Variants in CERS4 observed in about 807,000 individuals in gnomAD.
CERS4 encodes LAG1 homolog, ceramide synthase 4.
In CERS4, 65 loss-of-function variants were observed where a neutral mutation model predicts 51.8. The ratio of observed to expected loss-of-function variants is 1.26; its 90% confidence interval spans 1.03 to 1.54. The LOEUF is 1.54. Ranked by LOEUF, CERS4 falls within the 40% of genes most tolerant of loss-of-function variation. The pLI, the probability that CERS4 is intolerant of heterozygous loss-of-function variation, is 0.00. For synonymous variants in CERS4, 228 were observed against 208.4 expected (o/e 1.09, Z -0.81); for missense variants, 563 against 500.4 (o/e 1.13, Z -1.19).
At position 8,262,287 on chromosome 19, in the gene CERS4, C is replaced by T; in HGVS notation, c.*178C>T. On this transcript the variant is annotated 3_prime_UTR_variant, in exon 12 of 12. Coordinates refer to ENST00000251363, the MANE Select transcript of CERS4 (RefSeq NM_024552.3). ...TCCTTCTGCCCACCCACCCTTCTTC[C>T]CTCTGGGCAACTGGACAGATCTGGG... The T allele has an allele frequency of 1.7e-6, 1 of 578,662 alleles. No individual in the cohort carries two copies. The allele number at this position is 578,662 out of a possible 1,614,324, so 35.8% of individuals were successfully genotyped here. A position where few individuals can be genotyped will look rare whatever the true frequency, so the allele number is the denominator to read the frequency against.
intron 2 of CERS4, among the ~76,000 whole-genome samples, chr19:8,228,006 C>T (rs1160771735): frequency 2.0e-5 from 3 of 151,690 alleles, no homozygotes; most frequent in Admixed American, 6.6e-5. Flanking sequence ...GGATTACAGG[C>T]GCCCGCCACC....
At chr19:8,221,614 T>C (rs1041349640) in intron 2 of CERS4, among the ~76,000 whole-genome samples, 1 of 151,240 alleles carries the variant, frequency 6.6e-6, no homozygotes, top group South Asian at 2.1e-4. Flanking sequence ...GGCACGATCT[T>C]GGCTCACTGT....
Position 8,254,633 on chromosome 19 carries a change from C to A in CERS4, c.291+17C>A. 1 of 1,587,530 alleles carries A rather than the reference C, an allele frequency of 6.3e-7. No individual in the cohort carries two copies. Among genetic ancestry groups the A allele is most frequent in the Non-Finnish European group, 8.6e-7 (1 of 1,166,100 alleles). ...CCCAAGGAGGTGAGAGCCCCCCATG[C>A]CCTCCGACCCGCACTACTGCCCTGG... On this transcript the variant is annotated intron_variant, in intron 4 of 11. Coordinates refer to ENST00000251363, the MANE Select transcript of CERS4 (RefSeq NM_024552.3).
intron 2 of CERS4, among the ~76,000 whole-genome samples, chr19:8,234,737 A>G: frequency 6.6e-6 from 1 of 151,106 alleles, no homozygotes; most frequent in East Asian, 2.0e-4. Flanking sequence ...CATTTTTAGT[A>G]GAGGTGGGGT....
intron 2 of CERS4, among the ~76,000 whole-genome samples, chr19:8,232,194 C>G (rs1968041712): frequency 6.6e-6 from 1 of 152,010 alleles, no homozygotes; most frequent in Non-Finnish European, 1.5e-5. Context: ...GAGAAATTCA[C>G]CCAGTGCCAT....
At chr19:8,260,367 G>T (rs1435140779) in intron 10 of CERS4, among the ~76,000 whole-genome samples, 1 of 64,748 alleles carries the variant, frequency 1.5e-5, no homozygotes, top group African/African-American at 4.7e-5. Flanking sequence ...GCTAATTTTT[G>T]TATTTTTTTT....
Position 8,225,536 on chromosome 19 carries a change from G to T in CERS4, c.-2+14674G>T, listed in dbSNP as rs185270927. Among the ~76,000 whole-genome samples, 548 of 149,850 alleles carry T rather than the reference G, an allele frequency of 3.7e-3. 3 individuals carry two copies. The highest frequency in any genetic ancestry group is 0.013 in the African/African-American group (516 of 40,762). On this transcript the variant is annotated intron_variant, in intron 2 of 11. Transcript: ENST00000251363. Reference sequence around the variant, plus strand: ...CCTCCCGGGTTCAAGCGATTCTCCTGCCTCAGCCTCTCGAGTGGCTGGGAT... The same window carrying T: ...CCTCCCGGGTTCAAGCGATTCTCCTTCCTCAGCCTCTCGAGTGGCTGGGAT...
Position 8,249,165 on chromosome 19 carries a change from TGATGGGTGGGTGGACAGATGTTTG to T in CERS4, c.-1-1901_-1-1878del, listed in dbSNP as rs1296729717. Reference sequence around the variant, plus strand: ...ACAGATGTTTGGATGGGTGGATGGATGATGGGTGGGTGGACAGATGTTTGGATGGGTGGATGGACGATGGGTGGA... The same window carrying T: ...ACAGATGTTTGGATGGGTGGATGGATGATGGGTGGATGGACGATGGGTGGA... On this transcript the variant is annotated intron_variant, in intron 2 of 11. Coordinates refer to ENST00000251363, the MANE Select transcript of CERS4 (RefSeq NM_024552.3). Among the ~76,000 whole-genome samples the T allele has an allele frequency of 1.4e-4, 20 of 141,236 alleles. 1 individual carries two copies. The East Asian group carries it at 3.0e-3, about 21-fold the overall frequency. The allele number at this position is 141,236 out of a possible 152,430, so 92.7% of individuals were successfully genotyped here.
chr19:8,260,820 AG>A (rs2145343698), intron 10 of CERS4, among the ~76,000 whole-genome samples: 1 of 151,906 alleles, frequency 6.6e-6, no homozygotes, highest in Non-Finnish European at 1.5e-5. Context: ...GCGTGGTGGC[AG>A]GGGCCTATAA....
chr19:8,216,208 G>A (rs1047342032), intron 2 of CERS4, among the ~76,000 whole-genome samples: 2 of 150,694 alleles, frequency 1.3e-5, no homozygotes, highest in Non-Finnish European at 3.0e-5. Context: ...GTGAAACCCC[G>A]TCTCTACTAA....
intron 2 of CERS4, among the ~76,000 whole-genome samples, chr19:8,220,395 C>T (rs1346509342): frequency 7.9e-5 from 12 of 152,110 alleles, no homozygotes; most frequent in Non-Finnish European, 1.8e-4. Context: ...ATCTCCACCT[C>T]GCAGGTTCAA....
Position 8,262,016 on chromosome 19 carries a change from C to G in CERS4, c.1092C>G (p.Asn364Lys). The change falls in exon 12 of 12, where the codon AAC (asparagine) becomes AAG (lysine). Residue 364 changes from asparagine to lysine, a missense_variant. By Grantham distance (94) the Asn-to-Lys change is moderately conservative (BLOSUM62 0). Coordinates refer to ENST00000251363, the MANE Select transcript of CERS4 (RefSeq NM_024552.3). ...AAAQEPLQLK[N>K]GAAGGPRPAP... is the part of the protein sequence containing the mutation. ...CCCAGGAACCTCTGCAGCTAAAGAA[C>G]GGGGCAGCTGGAGGGCCCAGGCCAG... 6.3e-7 allele frequency: 1 copy of G among 1,588,362 alleles called. No homozygotes were observed. The highest frequency in any genetic ancestry group is 2.2e-5 in the East Asian group (1 of 44,690).
At chr19:8,221,424 G>T (rs1228053169) in intron 2 of CERS4, among the ~76,000 whole-genome samples, 2 of 152,164 alleles carry the variant, frequency 1.3e-5, no homozygotes, top group African/African-American at 4.8e-5. Context: ...TTCACGGCTA[G>T]CCTCTGCACG....
chr19:8,219,005 G>C (rs1047201137), intron 2 of CERS4, among the ~76,000 whole-genome samples: 2 of 152,122 alleles, frequency 1.3e-5, no homozygotes, highest in Non-Finnish European at 2.9e-5. Context: ...CCAGGAGTTC[G>C]AGACCAGCCT....
In CERS4 at chr19:8,209,442, C is replaced by A. The variant is rs1047817394; in HGVS notation, c.-211C>A. ...GCTCCGGGTAGCCCGCTAGGCGCGC[C>A]GTCCCCAGCCCCGCCGCCGGCCCTC... On this transcript the variant is annotated 5_prime_UTR_variant, in exon 1 of 12. Transcript: ENST00000251363. The A allele has an allele frequency of 6.6e-6, 1 of 151,340 alleles. No individual in the cohort carries two copies. The highest frequency in any genetic ancestry group is 2.1e-4 in the South Asian group (1 of 4,838). The allele number at this position is 151,340 out of a possible 1,614,324, so 9.4% of individuals were successfully genotyped here. A position where few individuals can be genotyped will look rare whatever the true frequency, so the allele number is the denominator to read the frequency against.
chr19:8,237,345 A>T (rs564892638), intron 2 of CERS4, among the ~76,000 whole-genome samples: 22 of 151,910 alleles, frequency 1.4e-4, no homozygotes, highest in Non-Finnish European at 2.5e-4. Flanking sequence ...TGAGGTCAGG[A>T]TTTCAAGACC....
chr19:8,259,704 G>A (rs901518409), intron 10 of CERS4, among the ~76,000 whole-genome samples: 2 of 152,226 alleles, frequency 1.3e-5, no homozygotes, highest in East Asian at 1.9e-4. Flanking sequence ...GGTTTGAGGG[G>A]TCTGTGGCCT....
intron 2 of CERS4, among the ~76,000 whole-genome samples, chr19:8,212,732 G>A (rs113038017): frequency 0.39 from 58,752 of 149,932 alleles, 11,697 homozygotes; most frequent in Non-Finnish European, 0.44. Context: ...TCCACCTCCC[G>A]GGTTCAAGCA....
At chr19:8,249,587 ATTTT>A (rs869119452) in intron 2 of CERS4, among the ~76,000 whole-genome samples, 1,424 of 91,316 alleles carry the variant, frequency 0.016, 27 homozygotes, top group African/African-American at 0.058. Context: ...GGAACTCTGG[ATTTT>A]TTTTTTTTTT....
Sources: allele counts gnomAD v4.1 joint callset (sites outside exome capture counted in the v4.1 genomes callset), GRCh38; gene constraint gnomAD v4.1.1; transcripts MANE v1.5; gene names NCBI Gene and HGNC (gene_info 2026-07-23, HGNC 2026-07-21).